MLXIP: variants seen among roughly 807,000 people sequenced by gnomAD.
The protein encoded by MLXIP is MLX-interacting protein.
In MLXIP, 30 loss-of-function variants were observed where a neutral mutation model predicts 87.2. The ratio of observed to expected loss-of-function variants is 0.34; its 90% CI spans 0.26 to 0.47. The LOEUF is 0.47. MLXIP is among the 20% of genes least tolerant of loss of function. The probability of loss-of-function intolerance (pLI) is 1.00; values close to 1 mark genes in which losing one functional copy is unlikely to be tolerated. For synonymous variants in MLXIP, 530 were observed against 514.0 expected, an observed-to-expected ratio of 1.03 and a Z score of -0.42; for missense variants, 1,002 against 1,240.1, an observed-to-expected ratio of 0.81 and a Z score of 2.88.
Position 122,078,819 on chromosome 12 carries a change from G to T in MLXIP, c.-35G>T, listed in dbSNP as rs1467571208. On this transcript the variant is annotated 5_prime_UTR_variant, in exon 1 of 17. Coordinates refer to ENST00000319080, the MANE Select transcript of MLXIP (RefSeq NM_014938.6). ...CCTCGCGCGCTTGTCGCGTTGCCCC[G>T]GGCTCCGGGGGATGCCCCCGGCCGA... The T allele has an allele frequency of 1.9e-6, 2 of 1,038,348 alleles. No homozygotes were observed. Among genetic ancestry groups the T allele is most frequent in the Non-Finnish European group, 1.2e-6 (1 of 865,884 alleles). 64.3% of individuals were successfully genotyped at this position (1,038,348 alleles called of 1,614,324 possible). A position where few individuals can be genotyped will look rare whatever the true frequency, so the allele number is the denominator to read the frequency against.
At chr12:122,113,209 T>C (rs1246202834) in intron 1 of MLXIP, among the ~76,000 whole-genome samples, 2 of 152,220 alleles carry the variant, frequency 1.3e-5, no homozygotes, top group African/African-American at 4.8e-5. Context: ...AAAACAAACC[T>C]GTTCCTACCT....
rs1952948885 is a variant in MLXIP at position 122,130,006 on chromosome 12, G to A, written c.804G>A (p.Glu268=). The A allele has an allele frequency of 3.1e-6, 5 of 1,613,936 alleles. No individual in the cohort carries two copies. The highest frequency in any genetic ancestry group is 4.2e-6 in the Non-Finnish European group (5 of 1,179,894). Residue 268 remains glutamate (E), a synonymous_variant, in exon 6 of 17, where the codon GAG becomes GAA. Transcript: ENST00000319080. ...DGWKTPVPME[E]DPLLDTDMLM... ...GGAAGACCCCCGTCCCCATGGAGGAGGATCCCCTGCTGGACACAGACATGC... is the reference window on the plus strand; with the variant it reads ...GGAAGACCCCCGTCCCCATGGAGGAAGATCCCCTGCTGGACACAGACATGC...
At chr12:122,111,058 CAG>C (rs1952599480) in intron 1 of MLXIP, among the ~76,000 whole-genome samples, 1 of 126,536 alleles carries the variant, frequency 7.9e-6, no homozygotes, top group East Asian at 2.3e-4. Context: ...GCCTGGGTGA[CAG>C]AGCAAGACTC....
Position 122,127,349 on chromosome 12 carries a change from C to A in MLXIP, c.507C>A (p.Ala169=). 6.2e-7 allele frequency: 1 copy of A among 1,611,326 alleles called. No individual in the cohort carries two copies. The highest frequency in any genetic ancestry group is 8.5e-7 in the Non-Finnish European group (1 of 1,178,558). Residue 169 remains alanine (A), a synonymous_variant, in exon 2 of 17, where the codon GCC becomes GCA. Transcript: ENST00000319080. ...KIRLNNAIWR[A]WYMQYLEKRK... ...GGCTCAATAATGCCATCTGGCGGGC[C>A]TGGTACATGCAGTGTAAGTGCCGCC...
chr12:122,121,306 C>CG (rs1183771700), intron 1 of MLXIP, among the ~76,000 whole-genome samples: 4 of 122,490 alleles, frequency 3.3e-5, no homozygotes, highest in African/African-American at 1.3e-4. Context: ...CTGTGCCCAG[C>CG]CTTTTTTTTT....
rs113845247 is a variant in MLXIP at position 122,129,346 on chromosome 12, G to A, written c.696+120G>A. On this transcript the variant is annotated intron_variant, in intron 4 of 16. Coordinates refer to ENST00000319080, the MANE Select transcript of MLXIP (RefSeq NM_014938.6). ...GCCCCACCTGAACGTGGAGCGTCAA[G>A]CAGTAAATCTGGGGCCCAGCGTGCC... 4.2e-5 allele frequency: 42 copies of A among 1,011,992 alleles called. No individual in the cohort carries two copies. The African/African-American group carries it at 6.2e-4, about 15-fold the overall frequency. The allele number at this position is 1,011,992 out of a possible 1,614,324, so 62.7% of individuals were successfully genotyped here.
In MLXIP at chr12:122,132,362, T is replaced by C. The variant is rs1427981408; in HGVS notation, c.1071T>C (p.Asp357=). ...LPASASAPVP[D]PNNPPAQESI... ...CATCTGCCTCAGCACCTGTACCAGA[T>C]CCCAACAACCCACCTGCACAGGTAG... The change falls in exon 8 of 17, where the codon GAT becomes GAC. Residue 357 remains aspartate, a synonymous_variant. Coordinates refer to ENST00000319080, the MANE Select transcript of MLXIP (RefSeq NM_014938.6). 1.2e-6 allele frequency: 2 copies of C among 1,612,628 alleles called. No individual in the cohort carries two copies. Among genetic ancestry groups the C allele is most frequent in the Non-Finnish European group, 8.5e-7 (1 of 1,179,306 alleles).
In MLXIP at chr12:122,138,919, A is replaced by G; in HGVS notation, c.2489A>G (p.Gln830Arg). ...GAATACGTGAAAACCCGGACCTTGC[A>G]GAATTGGAAGTTCTGGATTGTATCT... Reference protein sequence around the residue: ...FDEYVKTRTLQNWKFWIFSII... With the variant: ...FDEYVKTRTLRNWKFWIFSII... Residue 830 changes from glutamine to arginine, a missense_variant, in exon 15 of 17, where the codon CAG becomes CGG. Coordinates refer to ENST00000319080, the MANE Select transcript of MLXIP (RefSeq NM_014938.6). 6.2e-7 allele frequency: 1 copy of G among 1,614,082 alleles called. No individual in the cohort carries two copies. Among genetic ancestry groups the G allele is most frequent in the Non-Finnish European group, 8.5e-7 (1 of 1,179,908 alleles).
In MLXIP at chr12:122,142,115, G is replaced by T. The variant is rs2135998013; in HGVS notation, c.*303G>T. 8 of 702,080 alleles carry T rather than the reference G, an allele frequency of 1.1e-5. No homozygotes were observed. The highest frequency in any genetic ancestry group is 1.0e-4 in the South Asian group (7 of 67,142). 43.5% of individuals were successfully genotyped at this position (702,080 alleles called of 1,614,324 possible). ...GGGAAGTGCTGGCCGTGCTGGTCCT[G>T]CCCTGCTGGTGGCCTGCCGGGCCTG... On this transcript the variant is annotated 3_prime_UTR_variant, in exon 17 of 17. Coordinates refer to ENST00000319080, the MANE Select transcript of MLXIP (RefSeq NM_014938.6).
chr12:122,117,146 CTG>C (rs1215241672), intron 1 of MLXIP, among the ~76,000 whole-genome samples: 1 of 152,246 alleles, frequency 6.6e-6, no homozygotes, highest in Admixed American at 6.5e-5. Flanking sequence ...CACTCGCACA[CTG>C]GAGTGTGCAC....
intron 3 of MLXIP, 102 bp downstream of exon 3, chr12:122,128,070 T>A: frequency 9.4e-7 from 1 of 1,058,682 alleles, no homozygotes; most frequent in Non-Finnish European, 1.4e-6. Context: ...CTGCCGAGGG[T>A]AGTGCAGCGC....
chr12:122,097,130 G>A (rs1185893926), intron 1 of MLXIP, among the ~76,000 whole-genome samples: 1 of 152,206 alleles, frequency 6.6e-6, no homozygotes, highest in East Asian at 1.9e-4. Context: ...GTGCTCGGCA[G>A]AGGAGCTTTT....
intron 1 of MLXIP, among the ~76,000 whole-genome samples, chr12:122,097,446 C>T (rs911263963): frequency 2.0e-5 from 3 of 151,832 alleles, no homozygotes; most frequent in Non-Finnish European, 4.4e-5. Context: ...CATAACGAGA[C>T]CCTATTTTTA....
intron 1 of MLXIP, among the ~76,000 whole-genome samples, chr12:122,094,273 G>A (rs1486062337): frequency 7.2e-6 from 1 of 139,096 alleles, no homozygotes; most frequent in Non-Finnish European, 1.6e-5. Flanking sequence ...GTGTGGGTGT[G>A]TGCGATGTCT....
intron 1 of MLXIP, among the ~76,000 whole-genome samples, chr12:122,117,141 G>C (rs188944197): frequency 7.2e-5 from 11 of 152,304 alleles, no homozygotes; most frequent in African/African-American, 9.6e-5. Context: ...TCGAACACTC[G>C]CACACTGGAG....
chr12:122,084,443 G>C (rs1309410102), intron 1 of MLXIP, among the ~76,000 whole-genome samples: 1 of 152,184 alleles, frequency 6.6e-6, no homozygotes. Context: ...CAGGTGACGA[G>C]GTTAGAGGAG....
chr12:122,081,727 C>T (rs192936898), intron 1 of MLXIP, among the ~76,000 whole-genome samples: 2 of 152,286 alleles, frequency 1.3e-5, no homozygotes, highest in African/African-American at 4.8e-5. Context: ...ACCTCAGAGC[C>T]TGTCTGGCTT....
chr12:122,112,714 G>A (rs1420898692), intron 1 of MLXIP, among the ~76,000 whole-genome samples: 2 of 152,042 alleles, frequency 1.3e-5, no homozygotes, highest in East Asian at 1.9e-4. Flanking sequence ...CCAAATATAT[G>A]TATCTATGGG....
intron 1 of MLXIP, among the ~76,000 whole-genome samples, chr12:122,110,653 C>G (rs1366736103): frequency 6.6e-6 from 1 of 151,900 alleles, no homozygotes; most frequent in African/African-American, 2.4e-5. Context: ...TGCCTGTAGT[C>G]CCAAATTCTT....
Sources: allele counts gnomAD v4.1 joint callset (sites outside exome capture counted in the v4.1 genomes callset), GRCh38; gene constraint gnomAD v4.1.1; transcripts MANE v1.5; gene names NCBI Gene and HGNC (gene_info 2026-07-23, HGNC 2026-07-21).